Variants in LYPLA1 observed in about 807,000 individuals in gnomAD.
LYPLA1 encodes acyl-protein thioesterase 1.
LYPLA1 carries 17 observed loss-of-function variants against 34.0 expected under a neutral mutation model. That is an observed-to-expected ratio of 0.50 (90% CI 0.34 to 0.75). The LOEUF (loss-of-function observed/expected upper bound fraction) is 0.75. LYPLA1 is among the 30% of genes least tolerant of loss of function. The pLI is 0.01. For synonymous variants in LYPLA1, 98 were observed against 100.8 expected (o/e 0.97, Z 0.17); for missense variants, 203 against 288.8 (o/e 0.70, Z 2.15).
At chr8:54,093,793 C>T (rs189131690) in intron 2 of LYPLA1, among the ~76,000 whole-genome samples, 15 of 152,124 alleles carry the variant, frequency 9.9e-5, no homozygotes, top group African/African-American at 3.6e-4. Context: ...ACAAAAAATC[C>T]CTGTGCTGAG....
intron 2 of LYPLA1, among the ~76,000 whole-genome samples, chr8:54,080,189 C>T (rs910848716): frequency 6.6e-6 from 1 of 152,096 alleles, no homozygotes; most frequent in African/African-American, 2.4e-5. Context: ...AGTTCAAGAC[C>T]AGCCTGGGCA....
At chr8:54,068,659 G>A (rs1039638546) in intron 2 of LYPLA1, among the ~76,000 whole-genome samples, 1 of 152,168 alleles carries the variant, frequency 6.6e-6, no homozygotes, top group Non-Finnish European at 1.5e-5. Context: ...AAAGAAGTTG[G>A]ACTGCTACCT....
chr8:54,072,348 G>A (rs553288047), intron 2 of LYPLA1, among the ~76,000 whole-genome samples: 12 of 152,114 alleles, frequency 7.9e-5, no homozygotes, highest in South Asian at 6.2e-4. Context: ...TGGTGAAGAC[G>A]CCAAAAGCAA....
At chr8:54,076,330 G>A (rs905654495) in intron 2 of LYPLA1, among the ~76,000 whole-genome samples, 2 of 152,238 alleles carry the variant, frequency 1.3e-5, no homozygotes, top group Non-Finnish European at 2.9e-5. Context: ...TTAGCAGCTA[G>A]TAACCCATTA....
rs111675566 is a variant in LYPLA1 at position 54,078,141 on chromosome 8, G to A, written c.102-12328C>T. Among the ~76,000 whole-genome samples, 5 of 151,940 alleles carry A rather than the reference G, an allele frequency of 3.3e-5. 1 individual carries two copies. The highest frequency in any genetic ancestry group is 7.2e-5 in the African/African-American group (3 of 41,432). On this transcript the variant is annotated intron_variant, in intron 2 of 8. Transcript: ENST00000316963. Reference sequence around the variant, plus strand: ...AATTTTTTGTATTTTTAGTAGAGACGGGGTTTTGCTGTGTTGGCCAGGCTG... The same window carrying A: ...AATTTTTTGTATTTTTAGTAGAGACAGGGTTTTGCTGTGTTGGCCAGGCTG...
At chr8:54,093,989 C>A (rs1809494651) in intron 2 of LYPLA1, among the ~76,000 whole-genome samples, 1 of 152,146 alleles carries the variant, frequency 6.6e-6, no homozygotes. Context: ...TTCTATAATT[C>A]TATTATTAAT....
chr8:54,094,127 T>G (rs1293189552), intron 2 of LYPLA1, among the ~76,000 whole-genome samples: 2 of 152,242 alleles, frequency 1.3e-5, no homozygotes, highest in Non-Finnish European at 2.9e-5. Context: ...CCACTTATTT[T>G]ATCTTTCAAA....
chr8:54,057,824 C>G (rs1401388756), intron 5 of LYPLA1, among the ~76,000 whole-genome samples: 2 of 152,150 alleles, frequency 1.3e-5, no homozygotes, highest in African/African-American at 2.4e-5. Flanking sequence ...TTCTTTGTAA[C>G]TCAAAGGATA....
Position 54,052,682 on chromosome 8 carries a change from C to T in LYPLA1, c.435G>A (p.Trp145Ter). The change falls in exon 7 of 9, where the codon TGG becomes TGA. Residue 145 changes from tryptophan (W) to a stop codon, truncating the protein, a stop_gained. Transcript: ENST00000316963. LOFTEE classifies it high-confidence loss of function. ...GTGGAAAGGAAGCCCGAAGTGGAAG[C>T]CAGCAACTGAGTGCAGTGACACCTG... ...KLAGVTALSC[W>*]LPLRASFPQG... 1 of 1,613,690 alleles carries T rather than the reference C, an allele frequency of 6.2e-7. No homozygotes were observed. Among genetic ancestry groups the T allele is most frequent in the Non-Finnish European group, 8.5e-7 (1 of 1,179,806 alleles).
At chr8:54,065,702 C>T in intron 3 of LYPLA1, 46 bp downstream of exon 3, 1 of 1,475,960 alleles carries the variant, frequency 6.8e-7, no homozygotes, top group Non-Finnish European at 9.5e-7. Flanking sequence ...CACAATTGCT[C>T]CTCTCCAGAC....
intron 2 of LYPLA1, among the ~76,000 whole-genome samples, chr8:54,073,815 C>A (rs941286498): frequency 5.3e-5 from 8 of 152,134 alleles, no homozygotes; most frequent in African/African-American, 1.9e-4. Context: ...TCCATTGTGC[C>A]CAAGTCCAGT....
At chr8:54,062,070 T>C (rs1299283476) in intron 5 of LYPLA1, among the ~76,000 whole-genome samples, 184 bp downstream of exon 5, 1 of 152,104 alleles carries the variant, frequency 6.6e-6, no homozygotes, top group African/African-American at 2.4e-5. Context: ...CTGGCCAAGC[T>C]GGTCTTGAAC....
intron 2 of LYPLA1, among the ~76,000 whole-genome samples, chr8:54,099,998 T>G (rs1010527901): frequency 6.6e-6 from 1 of 152,274 alleles, no homozygotes; most frequent in Non-Finnish European, 1.5e-5. Context: ...TGGTTCATTT[T>G]AAAGAAAATT....
intron 2 of LYPLA1, among the ~76,000 whole-genome samples, chr8:54,072,260 G>A (rs543442735): frequency 1.3e-5 from 2 of 152,126 alleles, no homozygotes; most frequent in African/African-American, 2.4e-5. Flanking sequence ...AGACTTAAAT[G>A]TAAAACCCCT....
chr8:54,096,032 C>G (rs1809656107), intron 2 of LYPLA1, among the ~76,000 whole-genome samples: 1 of 152,156 alleles, frequency 6.6e-6, no homozygotes, highest in Non-Finnish European at 1.5e-5. Flanking sequence ...TGGATTAGAC[C>G]GTAGTATACC....
chr8:54,088,116 G>A (rs917468522), intron 2 of LYPLA1, among the ~76,000 whole-genome samples: 1 of 152,232 alleles, frequency 6.6e-6, no homozygotes, highest in African/African-American at 2.4e-5. Context: ...AACAGGCTAT[G>A]ACCTAATGCT....
intron 2 of LYPLA1, among the ~76,000 whole-genome samples, chr8:54,072,934 CAAAA>C (rs59257354): frequency 7.6e-5 from 7 of 91,712 alleles, no homozygotes; most frequent in Admixed American, 1.1e-4. Flanking sequence ...AAGACTGAAT[CAAAA>C]AAAAAAAAAA....
At position 54,047,008 on chromosome 8, in the gene LYPLA1, C is replaced by T. The variant is rs1805524597; in HGVS notation, c.*1057G>A. 6.6e-6 allele frequency: 1 copy of T among 152,092 alleles called. No individual in the cohort carries two copies. The highest frequency in any genetic ancestry group is 1.5e-5 in the Non-Finnish European group (1 of 67,956). The allele number at this position is 152,092 out of a possible 1,614,324, so 9.4% of individuals were successfully genotyped here. A position where few individuals can be genotyped will look rare whatever the true frequency, so the allele number is the denominator to read the frequency against. On this transcript the variant is annotated 3_prime_UTR_variant, in exon 9 of 9. Coordinates refer to ENST00000316963, the MANE Select transcript of LYPLA1 (RefSeq NM_006330.4). ...CCTCATCTTCTACAGTAGTTGGTTT[C>T]AAACGTGTACAAAGTAAACTCTATA...
At chr8:54,056,608 A>G (rs773796654) in intron 5 of LYPLA1, among the ~76,000 whole-genome samples, 2 of 152,110 alleles carry the variant, frequency 1.3e-5, no homozygotes, top group African/African-American at 4.8e-5. Flanking sequence ...AAAAAAATCT[A>G]ATAATCTGAT....
Sources: gnomAD v4.1 joint callset for allele counts (sites outside exome capture counted in the v4.1 genomes callset) on GRCh38, gnomAD v4.1.1 for gene constraint, MANE v1.5 for transcripts, NCBI Gene and HGNC (gene_info 2026-07-23, HGNC 2026-07-21) for gene names.